Variants in RBFOX1 observed in about 807,000 individuals in gnomAD.
The protein encoded by RBFOX1 is RNA binding fox-1 homolog 1.
RBFOX1 carries 8 observed loss-of-function variants against 57.7 expected under a neutral mutation model. The ratio of observed to expected loss-of-function variants is 0.14; its 90% confidence interval spans 0.08 to 0.25. The LOEUF is 0.25. Among genes scored for constraint, RBFOX1 ranks in the 10% least tolerant of loss-of-function variants. The pLI is 1.00. For missense variants in RBFOX1, 611 were observed against 548.5 expected (o/e 1.11, Z -1.14); for synonymous variants, 326 against 222.4 (o/e 1.47, Z -4.15).
intron 3 of RBFOX1, among the ~76,000 whole-genome samples, chr16:6,661,240 T>G (rs192914132): frequency 1.3e-5 from 2 of 152,312 alleles, no homozygotes; most frequent in African/African-American, 4.8e-5. Context: ...GACTTGAGTG[T>G]TGAAAGCTAA....
chr16:6,376,868 G>A (rs2345053), intron 2 of RBFOX1, among the ~76,000 whole-genome samples: 4,937 of 152,172 alleles, frequency 0.032, 260 homozygotes, highest in African/African-American at 0.11. Flanking sequence ...AGTCGTTAGG[G>A]ATCTGGCGGC....
intron 5 of RBFOX1, among the ~76,000 whole-genome samples, chr16:7,570,503 C>G (rs1038391548): frequency 1.8e-4 from 28 of 152,276 alleles, no homozygotes; most frequent in African/African-American, 6.7e-4. Context: ...CACCAGTACC[C>G]TGGACCCACA....
chr16:7,003,941 G>A (rs2093064476), intron 3 of RBFOX1: 1 of 143,228 alleles, frequency 7.0e-6, no homozygotes. Context: ...AAATTTATCT[G>A]CTTTCTTTTA....
At chr16:6,008,552 G>A (rs368340549) in intron 4 of RBFOX1, among the ~76,000 whole-genome samples, 109 of 152,178 alleles carry the variant, frequency 7.2e-4, no homozygotes, top group East Asian at 2.7e-3. Context: ...TCAAGATTGC[G>A]GTTAAGGTTG....
At chr16:6,716,818 G>A (rs140696986) in intron 3 of RBFOX1, among the ~76,000 whole-genome samples, 213 of 152,194 alleles carry the variant, frequency 1.4e-3, no homozygotes, top group African/African-American at 4.7e-3. Flanking sequence ...TGGGACAGCT[G>A]ATGGCCGTGT....
chr16:6,111,978 C>A (rs1379695231), intron 1 of RBFOX1, among the ~76,000 whole-genome samples: 1 of 151,978 alleles, frequency 6.6e-6, no homozygotes, highest in Non-Finnish European at 1.5e-5. Flanking sequence ...ATTAAAGGAT[C>A]GCTAAAACTT....
chr16:7,342,513 G>C (rs1011068439), intron 4 of RBFOX1, among the ~76,000 whole-genome samples: 1 of 152,186 alleles, frequency 6.6e-6, no homozygotes, highest in African/African-American at 2.4e-5. Flanking sequence ...TGTTGTCTTG[G>C]TTTGTTCATG....
At chr16:7,355,016 G>C (rs1016426218) in intron 4 of RBFOX1, among the ~76,000 whole-genome samples, 1 of 152,174 alleles carries the variant, frequency 6.6e-6, no homozygotes, top group Non-Finnish European at 1.5e-5. Context: ...GTTAACGTTT[G>C]TACTTGCCCT....
intron 3 of RBFOX1, among the ~76,000 whole-genome samples, chr16:5,829,111 C>G (rs906930391): frequency 1.3e-5 from 2 of 152,122 alleles, no homozygotes; most frequent in African/African-American, 4.8e-5. Context: ...AGCTCACACT[C>G]AGGAGGAGAC....
At chr16:6,013,145 A>G (rs1248351598) in intron 4 of RBFOX1, among the ~76,000 whole-genome samples, 1 of 152,204 alleles carries the variant, frequency 6.6e-6, no homozygotes, top group Non-Finnish European at 1.5e-5. Context: ...TCACATAGTT[A>G]TTAAGTAGTA....
chr16:6,666,820 T>C (rs779095971), intron 3 of RBFOX1, among the ~76,000 whole-genome samples: 1 of 152,144 alleles, frequency 6.6e-6, no homozygotes, highest in Non-Finnish European at 1.5e-5. Context: ...TCCTGTGATA[T>C]ATCTCTGCAT....
chr16:7,576,963 A>G (rs111935001), intron 5 of RBFOX1, among the ~76,000 whole-genome samples: 1 of 152,196 alleles, frequency 6.6e-6, no homozygotes, highest in African/African-American at 2.4e-5. Context: ...GAAAAGTGAC[A>G]GTTGCAGGAT....
At chr16:6,785,190 G>GA (rs1201465042) in intron 3 of RBFOX1, among the ~76,000 whole-genome samples, 16 of 152,008 alleles carry the variant, frequency 1.1e-4, no homozygotes, top group South Asian at 2.1e-4. Flanking sequence ...CTGCTCTGGA[G>GA]AAAAAAAATG....
intron 3 of RBFOX1, among the ~76,000 whole-genome samples, chr16:6,759,146 A>AT (rs1328663312): frequency 2.0e-5 from 1 of 49,516 alleles, no homozygotes; most frequent in Non-Finnish European, 4.2e-5. Flanking sequence ...TTACTTATCA[A>AT]TTCTTTTTTT....
chr16:7,362,937 C>A (rs1020542607), intron 4 of RBFOX1, among the ~76,000 whole-genome samples: 9 of 152,180 alleles, frequency 5.9e-5, no homozygotes, highest in Admixed American at 5.9e-4. Context: ...TAGTGTGTGA[C>A]CTTGGACAAG....
intron 3 of RBFOX1, among the ~76,000 whole-genome samples, chr16:7,030,167 C>A (rs1280906067): frequency 2.0e-5 from 3 of 152,258 alleles, no homozygotes; most frequent in Non-Finnish European, 4.4e-5. Context: ...GAGCTTTGTT[C>A]TGAGATATGT....
intron 2 of RBFOX1, among the ~76,000 whole-genome samples, chr16:5,529,057 A>T (rs187441206): frequency 1.1e-4 from 16 of 151,992 alleles, no homozygotes; most frequent in Admixed American, 9.8e-4. Flanking sequence ...TTGTGCCAAG[A>T]CCTGCTTTCT....
At chr16:7,072,580 A>G (rs1482399289) in intron 4 of RBFOX1, among the ~76,000 whole-genome samples, 2 of 152,250 alleles carry the variant, frequency 1.3e-5, no homozygotes, top group African/African-American at 2.4e-5. Flanking sequence ...GTATGCACCA[A>G]TAACATAATC....
At chr16:5,394,122 C>G (rs1448342513) in intron 1 of RBFOX1, among the ~76,000 whole-genome samples, 3 of 152,038 alleles carry the variant, frequency 2.0e-5, no homozygotes, top group Non-Finnish European at 4.4e-5. Flanking sequence ...CTCCTGGGTT[C>G]AAGCAGTTCT....
Sources: gnomAD v4.1 joint callset for allele counts (sites outside exome capture counted in the v4.1 genomes callset) on GRCh38, gnomAD v4.1.1 for gene constraint, MANE v1.5 for transcripts, NCBI Gene and HGNC (gene_info 2026-07-23, HGNC 2026-07-21) for gene names.